Variants in HHAT observed in about 807,000 individuals in gnomAD.
The protein encoded by HHAT is protein-cysteine N-palmitoyltransferase HHAT.
HHAT carries 47 observed loss-of-function variants against 70.8 expected under a neutral mutation model. The ratio of observed to expected loss-of-function variants is 0.66; its 90% CI spans 0.53 to 0.85. HHAT has a LOEUF of 0.85. Among genes scored for constraint, HHAT ranks in the 40% least tolerant of loss-of-function variants. The pLI is 0.00. For missense variants in HHAT, 609 were observed against 604.8 expected, an observed-to-expected ratio of 1.01 and a Z score of -0.07; for synonymous variants, 228 against 247.6, an observed-to-expected ratio of 0.92 and a Z score of 0.74.
chr1:210,329,301 G>T (rs1008150162), intron 1 of HHAT, 197 bp downstream of exon 1: 7 of 1,225,338 alleles, frequency 5.7e-6, no homozygotes, highest in Non-Finnish European at 5.1e-6. Context: ...CGCGCGCGCA[G>T]TGCGCCCGGG....
intron 9 of HHAT, among the ~76,000 whole-genome samples, chr1:210,515,285 C>T (rs1203656407): frequency 6.6e-6 from 1 of 152,136 alleles, no homozygotes; most frequent in Non-Finnish European, 1.5e-5. Context: ...GACAGTGCGC[C>T]CCAACAAGCA....
At chr1:210,398,815 C>T (rs1324736747) in intron 4 of HHAT, among the ~76,000 whole-genome samples, 2 of 152,100 alleles carry the variant, frequency 1.3e-5, no homozygotes, top group Non-Finnish European at 2.9e-5. Context: ...TTGGACTCTG[C>T]CCAGAGGTGA....
chr1:210,397,126 C>T (rs1256855735), intron 4 of HHAT, among the ~76,000 whole-genome samples: 2 of 152,104 alleles, frequency 1.3e-5, no homozygotes, highest in Non-Finnish European at 2.9e-5. Context: ...AAAAATGTGC[C>T]ATAGGAAGAA....
intron 8 of HHAT, among the ~76,000 whole-genome samples, chr1:210,482,639 A>G (rs1378048150): frequency 6.6e-6 from 1 of 152,184 alleles, no homozygotes; most frequent in African/African-American, 2.4e-5. Context: ...GCCTGCATGA[A>G]GATATTTGTA....
chr1:210,482,244 C>A (rs556730570), intron 8 of HHAT, among the ~76,000 whole-genome samples: 1 of 152,258 alleles, frequency 6.6e-6, no homozygotes, highest in Middle Eastern at 3.4e-3. Context: ...CCAAATCATT[C>A]CCAGATCACA....
chr1:210,345,352 A>G (rs1048804295), intron 1 of HHAT, among the ~76,000 whole-genome samples: 1 of 152,168 alleles, frequency 6.6e-6, no homozygotes, highest in African/African-American at 2.4e-5. Context: ...ATGCATGACA[A>G]AAAAAATGTA....
chr1:210,520,251 G>A (rs1047903812), intron 9 of HHAT, among the ~76,000 whole-genome samples: 4 of 151,990 alleles, frequency 2.6e-5, no homozygotes, highest in Non-Finnish European at 4.4e-5. Flanking sequence ...TCCTGACCTC[G>A]TGATCCACCC....
At chr1:210,352,806 G>C (rs536167372) in intron 2 of HHAT, among the ~76,000 whole-genome samples, 1 of 152,312 alleles carries the variant, frequency 6.6e-6, no homozygotes, top group South Asian at 2.1e-4. Flanking sequence ...TTGGGGTGGT[G>C]ATAGTGATCC....
rs116838425 is a variant in HHAT, at chr1:210,395,516, A to C, written c.274-4952A>C. Reference sequence around the variant, plus strand: ...GGGGTGATGGATAGAAGCCTCTATAACAGGTATCCACTTTCCTGGATTGGT... The same window carrying C: ...GGGGTGATGGATAGAAGCCTCTATACCAGGTATCCACTTTCCTGGATTGGT... On this transcript the variant is annotated intron_variant, in intron 4 of 11. Transcript: ENST00000261458. 8.4e-3 allele frequency among the ~76,000 whole-genome samples: 1,276 copies of C among 152,288 alleles called. 13 individuals carry two copies. The highest frequency in any genetic ancestry group is 0.029 in the African/African-American group (1,222 of 41,546).
intron 6 of HHAT, among the ~76,000 whole-genome samples, chr1:210,416,449 C>T (rs183163420): frequency 7.2e-5 from 11 of 152,320 alleles, no homozygotes; most frequent in Non-Finnish European, 1.5e-4. Context: ...AGAAAACTTA[C>T]TGTTCTCTCT....
intron 3 of HHAT, among the ~76,000 whole-genome samples, chr1:210,377,586 CA>C (rs1000281238): frequency 3.3e-5 from 5 of 152,192 alleles, no homozygotes; most frequent in African/African-American, 1.2e-4. Flanking sequence ...TTCTGAGAAA[CA>C]GGTCAGTAGG....
chr1:210,635,307 G>A (rs1671672180), intron 11 of HHAT, among the ~76,000 whole-genome samples: 1 of 152,190 alleles, frequency 6.6e-6, no homozygotes, highest in South Asian at 2.1e-4. Context: ...TGAGTAAGCT[G>A]TTTGCACCAA....
chr1:210,569,373 C>CAAAA lies in HHAT; in HGVS notation c.1044-18502_1044-18499dup, dbSNP rs71146233. Among the ~76,000 whole-genome samples the CAAAA allele has an allele frequency of 1.2e-3, 35 of 28,340 alleles. 11 individuals are homozygous for CAAAA. Among genetic ancestry groups the CAAAA allele is most frequent in the Admixed American group, 2.7e-3 (4 of 1,474 alleles). The allele number at this position is 28,340 out of a possible 152,430, so 18.6% of individuals were successfully genotyped here. A position where few individuals can be genotyped will look rare whatever the true frequency, so the allele number is the denominator to read the frequency against. ...CGGGCGACAGAGCCAGAGTCTGCCT[C>CAAAA]AAAAAAAAAAAAAAAAAAAAAAAAA... On this transcript the variant is annotated intron_variant, in intron 9 of 11. Transcript: ENST00000261458.
intron 4 of HHAT, among the ~76,000 whole-genome samples, chr1:210,389,563 G>T (rs541167979): frequency 6.6e-6 from 1 of 152,118 alleles, no homozygotes; most frequent in African/African-American, 2.4e-5. Context: ...ATGAGATCTC[G>T]TTGTTTGAAA....
At chr1:210,608,280 C>T (rs1284507946) in intron 10 of HHAT, among the ~76,000 whole-genome samples, 1 of 152,144 alleles carries the variant, frequency 6.6e-6, no homozygotes, top group African/African-American at 2.4e-5. Context: ...GTATGGCCTG[C>T]AGTTATGAAT....
intron 8 of HHAT, among the ~76,000 whole-genome samples, chr1:210,512,819 A>G (rs1389528111): frequency 1.3e-5 from 2 of 152,132 alleles, no homozygotes; most frequent in East Asian, 1.9e-4. Flanking sequence ...CTCATGGCCT[A>G]TATTTCTAGA....
chr1:210,472,554 A>G (rs76860413), intron 8 of HHAT, among the ~76,000 whole-genome samples: 2 of 152,228 alleles, frequency 1.3e-5, no homozygotes, highest in African/African-American at 4.8e-5. Flanking sequence ...TATGGCTTAC[A>G]TACTGACCCC....
At chr1:210,422,344 G>T (rs912658133) in intron 7 of HHAT, among the ~76,000 whole-genome samples, 2 of 152,120 alleles carry the variant, frequency 1.3e-5, no homozygotes, top group African/African-American at 4.8e-5. Context: ...TCATCCTACA[G>T]TACTATAGAA....
chr1:210,623,694 T>A, intron 11 of HHAT, 24 bp downstream of exon 11: 1 of 1,607,580 alleles, frequency 6.2e-7, no homozygotes, highest in Non-Finnish European at 8.5e-7. Context: ...CAGTGCTGTT[T>A]TCAGTCAGTT....
Sources: gnomAD v4.1 joint callset for allele counts (sites outside exome capture counted in the v4.1 genomes callset) on GRCh38, gnomAD v4.1.1 for gene constraint, MANE v1.5 for transcripts, NCBI Gene and HGNC (gene_info 2026-07-23, HGNC 2026-07-21) for gene names.